LRGUK: variants seen among roughly 807,000 people sequenced by gnomAD.
LRGUK encodes the protein leucine rich repeats and guanylate kinase domain containing.
Under a neutral mutation model 76.0 loss-of-function variants are expected in LRGUK, and 65 were observed. The observed-to-expected ratio is 0.85, with a 90% CI of 0.70 to 1.05. The LOEUF (loss-of-function observed/expected upper bound fraction) is 1.05. Ranked by LOEUF, LRGUK falls within the 50% of genes least tolerant of loss-of-function variation. LRGUK has a pLI of 0.00. For synonymous variants in LRGUK, 268 were observed against 265.6 expected, an observed-to-expected ratio of 1.01 and a Z score of -0.09; for missense variants, 758 against 732.8, an observed-to-expected ratio of 1.03 and a Z score of -0.40.
chr7:134,268,855 G>C (rs936183492), downstream of LRGUK, among the ~76,000 whole-genome samples: 2 of 122,676 alleles, frequency 1.6e-5, no homozygotes, highest in African/African-American at 5.1e-5. Flanking sequence ...TCAGCCTCCT[G>C]AGTAGCTGGG....
At chr7:134,172,449 A>G (rs1171726071) in intron 7 of LRGUK, among the ~76,000 whole-genome samples, 1 of 152,204 alleles carries the variant, frequency 6.6e-6, no homozygotes, top group Non-Finnish European at 1.5e-5. Flanking sequence ...AGGGAAATCT[A>G]ATTCTTTACA....
At chr7:134,250,968 T>C (rs1220148258) in intron 18 of LRGUK, among the ~76,000 whole-genome samples, 1 of 152,230 alleles carries the variant, frequency 6.6e-6, no homozygotes, top group African/African-American at 2.4e-5. Context: ...TCAATGAGTA[T>C]TCATTTAATA....
intron 5 of LRGUK, among the ~76,000 whole-genome samples, chr7:134,153,283 G>A (rs1485835848): frequency 6.6e-6 from 1 of 151,942 alleles, no homozygotes; most frequent in Non-Finnish European, 1.5e-5. Context: ...ATCTCAGAAT[G>A]AATTGTTAAC....
intron 16 of LRGUK, among the ~76,000 whole-genome samples, chr7:134,239,791 G>A (rs543291101): frequency 6.6e-5 from 10 of 152,312 alleles, no homozygotes; most frequent in African/African-American, 2.4e-4. Flanking sequence ...TAACTGGGAG[G>A]CACCTCCCAG....
At chr7:134,252,492 A>G (rs1802476375) in intron 18 of LRGUK, among the ~76,000 whole-genome samples, 1 of 152,184 alleles carries the variant, frequency 6.6e-6, no homozygotes, top group Admixed American at 6.5e-5. Flanking sequence ...TGGAGCAAGC[A>G]ATTAGACTTC....
chr7:134,162,254 A>G (rs868761751), intron 6 of LRGUK, among the ~76,000 whole-genome samples: 32 of 152,292 alleles, frequency 2.1e-4, no homozygotes, highest in African/African-American at 7.2e-4. Context: ...TTTAGCCGGC[A>G]TCTTAGTTGG....
intron 13 of LRGUK, among the ~76,000 whole-genome samples, chr7:134,198,744 C>G (rs1446405142): frequency 6.6e-6 from 1 of 152,132 alleles, no homozygotes; most frequent in African/African-American, 2.4e-5. Context: ...AGGAGCTTGG[C>G]CTTCCCAACC....
the LRGUK span, among the ~76,000 whole-genome samples, chr7:134,272,067 C>G: frequency 6.6e-6 from 1 of 151,984 alleles, no homozygotes; most frequent in Non-Finnish European, 1.5e-5. Context: ...TGAATAGAAA[C>G]AATGATAACG....
chr7:134,263,494 G>A (rs990982379), intron 19 of LRGUK, among the ~76,000 whole-genome samples: 1 of 146,666 alleles, frequency 6.8e-6, no homozygotes, highest in Non-Finnish European at 1.5e-5. Context: ...TGGAAGAATC[G>A]CTAGTGAGTG....
chr7:134,127,553 C>G, exon 1 of LRGUK: 1 of 1,614,210 alleles, frequency 6.2e-7, no homozygotes, highest in Non-Finnish European at 8.5e-7. Context: ...CCTACCTGCT[C>G]CAGCAGCTCA....
At chr7:134,151,421 A>G (rs1436846868) in intron 5 of LRGUK, among the ~76,000 whole-genome samples, 1 of 152,094 alleles carries the variant, frequency 6.6e-6, no homozygotes, top group Admixed American at 6.5e-5. Context: ...CTAAATTAAA[A>G]AATTAAAAAT....
chr7:134,174,292 A>T (rs1388309090), intron 7 of LRGUK, among the ~76,000 whole-genome samples: 1 of 152,042 alleles, frequency 6.6e-6, no homozygotes. Flanking sequence ...CCTTAAAGTG[A>T]ACATGGATAA....
At chr7:134,156,212 A>G (rs964122610) in intron 5 of LRGUK, among the ~76,000 whole-genome samples, 1 of 152,182 alleles carries the variant, frequency 6.6e-6, no homozygotes, top group African/African-American at 2.4e-5. Context: ...TCATGTGTTT[A>G]TTAGCCACTT....
At chr7:134,248,456 A>G (rs1043622688) in intron 17 of LRGUK, among the ~76,000 whole-genome samples, 2 of 152,232 alleles carry the variant, frequency 1.3e-5, no homozygotes. Context: ...CTTTCAAGTC[A>G]GTCTGAGGGA....
chr7:134,206,710 A>T (rs923543024), intron 15 of LRGUK, among the ~76,000 whole-genome samples: 1 of 152,184 alleles, frequency 6.6e-6, no homozygotes, highest in Admixed American at 6.5e-5. Flanking sequence ...GGTAAAAACT[A>T]TATTCACAAC....
chr7:134,224,253 C>T (rs1801677694), intron 16 of LRGUK, among the ~76,000 whole-genome samples: 1 of 152,196 alleles, frequency 6.6e-6, no homozygotes, highest in South Asian at 2.1e-4. Flanking sequence ...TAAGACTGCA[C>T]CCTGACAATC....
chr7:134,172,280 G>T (rs967063944), intron 7 of LRGUK, among the ~76,000 whole-genome samples: 1 of 152,034 alleles, frequency 6.6e-6, no homozygotes, highest in Non-Finnish European at 1.5e-5. Flanking sequence ...TACTGATAAT[G>T]TTAGACTGAA....
chr7:134,271,377 C>T, the LRGUK span, among the ~76,000 whole-genome samples: 1,876 of 151,610 alleles, frequency 0.012, 34 homozygotes, highest in African/African-American at 0.042. Flanking sequence ...CTTTTTTATC[C>T]TATTGTAATA....
chr7:134,204,400 G>A (rs1800916664), intron 15 of LRGUK, among the ~76,000 whole-genome samples: 1 of 152,170 alleles, frequency 6.6e-6, no homozygotes, highest in Non-Finnish European at 1.5e-5. Context: ...TACTGAATTT[G>A]TAAAAATGTT....
Sources: gnomAD v4.1 joint callset for allele counts (sites outside exome capture counted in the v4.1 genomes callset) on GRCh38, gnomAD v4.1.1 for gene constraint, MANE v1.5 for transcripts, NCBI Gene and HGNC (gene_info 2026-07-23, HGNC 2026-07-21) for gene names.